Variants in TFPI observed in about 807,000 individuals in gnomAD.
The protein encoded by TFPI is anti-convertin.
Under a neutral mutation model 34.6 loss-of-function variants are expected in TFPI, and 15 were observed. That is an observed-to-expected ratio of 0.43 (90% CI 0.29 to 0.67). The LOEUF is 0.67. Ranked by LOEUF, TFPI falls within the 30% of genes least tolerant of loss-of-function variation. TFPI has a pLI of 0.15. For synonymous variants in TFPI, 105 were observed against 120.1 expected (o/e 0.87, Z 0.82); for missense variants, 301 against 364.0 (o/e 0.83, Z 1.41).
chr2:187,505,997 T>A (rs13015100), intron 1 of TFPI, among the ~76,000 whole-genome samples: 144,680 of 151,778 alleles, frequency 0.95, 69,207 homozygotes, highest in Non-Finnish European at 0.99. Context: ...ATTTTTTTTT[T>A]AAAAAAAAGA....
chr2:187,511,917 AAG>A (rs138592131), intron 1 of TFPI, among the ~76,000 whole-genome samples: 8 of 150,932 alleles, frequency 5.3e-5, no homozygotes, highest in Admixed American at 1.3e-4. Context: ...GAGTCAAGGA[AAG>A]AGAGAGAGAG....
At chr2:187,529,582 A>T (rs960714848) in intron 1 of TFPI, 3 of 152,100 alleles carry the variant, frequency 2.0e-5, no homozygotes, top group Admixed American at 2.0e-4. Context: ...TTATTATCTC[A>T]TTTATGTTAA....
Position 187,465,580 on chromosome 2 carries a change from A to G in TFPI, c.*1356T>C, listed in dbSNP as rs1691681361. ...GGTGAACTTTTTCGAAAAAAAAAAA[A>G]AAAAGCATAAAGATTTGGAGACTGT... On this transcript the variant is annotated 3_prime_UTR_variant, in exon 8 of 8. Coordinates refer to ENST00000233156, the MANE Select transcript of TFPI (RefSeq NM_006287.6). 1 of 151,582 alleles carries G rather than the reference A, an allele frequency of 6.6e-6. No homozygotes were observed. Among genetic ancestry groups the G allele is most frequent in the South Asian group, 2.1e-4 (1 of 4,828 alleles). The allele number at this position is 151,582 out of a possible 1,614,324, so 9.4% of individuals were successfully genotyped here. A position where few individuals can be genotyped will look rare whatever the true frequency, so the allele number is the denominator to read the frequency against.
intron 1 of TFPI, among the ~76,000 whole-genome samples, chr2:187,546,299 T>C (rs62172427): frequency 0.04 from 5,787 of 143,680 alleles, 139 homozygotes; most frequent in Admixed American, 0.092. Flanking sequence ...TTTTTTTTTT[T>C]CAGAAAAAGA....
chr2:187,515,921 C>T (rs1422198683), intron 1 of TFPI: 8 of 152,096 alleles, frequency 5.3e-5, no homozygotes, highest in Non-Finnish European at 7.4e-5. Context: ...CTGTGCTTCC[C>T]GAGAAAAGAG....
intron 1 of TFPI, among the ~76,000 whole-genome samples, chr2:187,535,557 C>G (rs1688204567): frequency 6.6e-6 from 1 of 152,128 alleles, no homozygotes; most frequent in Non-Finnish European, 1.5e-5. Flanking sequence ...ACACAACATA[C>G]CAAAATTTCT....
intron 1 of TFPI, among the ~76,000 whole-genome samples, chr2:187,506,984 A>C (rs1329658540): frequency 6.6e-6 from 1 of 152,100 alleles, no homozygotes; most frequent in African/African-American, 2.4e-5. Flanking sequence ...AGGTATGCAC[A>C]TGGCATGTTG....
In TFPI at chr2:187,467,030, C is replaced by T. The variant is rs775289223; in HGVS notation, c.821G>A (p.Arg274Lys). ...TTTAATTAGGCCTCCTTTTGATATT[C>T]TTTGGATGAAACCTATAAGAGGAAG... ...LRACKKGFIQ[R>K]ISKGGLIKTK... The change falls in exon 8 of 8, where the codon AGA becomes AAA. Residue 274 changes from arginine to lysine, a missense_variant. Transcript: ENST00000233156. The T allele has an allele frequency of 1.3e-5, 20 of 1,573,082 alleles. No individual in the cohort carries two copies. In the African/African-American group the frequency reaches 2.5e-4, roughly 19 times the overall value.
At chr2:187,528,733 A>G (rs968970556) in intron 1 of TFPI, among the ~76,000 whole-genome samples, 1 of 152,156 alleles carries the variant, frequency 6.6e-6, no homozygotes, top group Non-Finnish European at 1.5e-5. Flanking sequence ...CTCATTTTAT[A>G]AAGGTAAGAA....
At position 187,535,635 on chromosome 2, in the gene TFPI, A is replaced by C. The variant is rs940402274; in HGVS notation, c.-3+18565T>G. 3.3e-5 allele frequency among the ~76,000 whole-genome samples: 5 copies of C among 152,344 alleles called. No individual in the cohort carries two copies. In the East Asian group the frequency reaches 9.6e-4, roughly 29 times the overall value. On this transcript the variant is annotated intron_variant, in intron 1 of 7. Coordinates refer to ENST00000233156, the MANE Select transcript of TFPI (RefSeq NM_006287.6). Reference sequence around the variant, plus strand: ...TAAATGCCGACAGGAGAAAGTGGGAAAGATCTAAAGTTGACAACCAAACAT... The same window carrying C: ...TAAATGCCGACAGGAGAAAGTGGGACAGATCTAAAGTTGACAACCAAACAT...
chr2:187,475,490 C>T (rs140772766), intron 6 of TFPI, among the ~76,000 whole-genome samples: 1 of 152,130 alleles, frequency 6.6e-6, no homozygotes, highest in East Asian at 1.9e-4. Context: ...GAAAATAGGT[C>T]GTCATCATCA....
At position 187,484,958 on chromosome 2, in the gene TFPI, C is replaced by A; in HGVS notation, c.388G>T (p.Asp130Tyr). 6.7e-7 allele frequency: 1 copy of A among 1,501,728 alleles called. No homozygotes were observed. 93.0% of individuals were successfully genotyped at this position (1,501,728 alleles called of 1,614,324 possible). The change falls in exon 5 of 8, where the codon GAT (aspartate) becomes TAT (tyrosine). Residue 130 changes from aspartate to tyrosine, a missense_variant. Transcript: ENST00000233156. ...EKPDFCFLEE[D>Y]PGICRGYITR... ...ATATAACCTCGACATATTCCAGGAT[C>A]TTCTTCCAAAAAGCAGAAATCTGGC...
intron 1 of TFPI, among the ~76,000 whole-genome samples, chr2:187,539,220 C>T (rs1456149821): frequency 6.6e-6 from 1 of 152,024 alleles, no homozygotes; most frequent in Non-Finnish European, 1.5e-5. Flanking sequence ...AAATATTTTA[C>T]AGAGTGTGAG....
chr2:187,547,374 G>A (rs1688920060), intron 1 of TFPI: 1 of 152,076 alleles, frequency 6.6e-6, no homozygotes, highest in African/African-American at 2.4e-5. Flanking sequence ...GACAAATAAT[G>A]ATCAGTGTTT....
chr2:187,542,337 G>T (rs1688623137), intron 1 of TFPI, among the ~76,000 whole-genome samples: 1 of 149,378 alleles, frequency 6.7e-6, no homozygotes, highest in African/African-American at 2.4e-5. Flanking sequence ...ATGTGTGTTT[G>T]TGTGTGTGTG....
intron 3 of TFPI, among the ~76,000 whole-genome samples, chr2:187,496,155 A>G (rs1490605930): frequency 2.0e-5 from 3 of 152,138 alleles, no homozygotes; most frequent in South Asian, 2.1e-4. Flanking sequence ...AAAGTCCACA[A>G]GGGTCATCAG....
intron 1 of TFPI, chr2:187,516,609 A>AG (rs1687019011): frequency 6.6e-6 from 1 of 152,146 alleles, no homozygotes; most frequent in Non-Finnish European, 1.5e-5. Flanking sequence ...TCTCAAAGAG[A>AG]GGGGGATAAG....
chr2:187,505,007 A>G (rs1322034893), intron 1 of TFPI, among the ~76,000 whole-genome samples: 6 of 152,078 alleles, frequency 3.9e-5, no homozygotes, highest in African/African-American at 1.2e-4. Flanking sequence ...GAGATCTCAT[A>G]TATCTTGTAA....
intron 6 of TFPI, among the ~76,000 whole-genome samples, chr2:187,471,234 G>GT (rs1295962527): frequency 3.3e-5 from 5 of 152,148 alleles, no homozygotes; most frequent in African/African-American, 4.8e-5. Flanking sequence ...ACTCTGAGCA[G>GT]TAAGACTATC....
Sources: gnomAD v4.1 joint callset for allele counts (sites outside exome capture counted in the v4.1 genomes callset) on GRCh38, gnomAD v4.1.1 for gene constraint, MANE v1.5 for transcripts, NCBI Gene and HGNC (gene_info 2026-07-23, HGNC 2026-07-21) for gene names.